Variants in PIK3CB observed in about 807,000 individuals in gnomAD.
PIK3CB encodes phosphatidylinositol 4,5-bisphosphate 3-kinase catalytic subunit beta isoform.
Under a neutral mutation model 136.8 loss-of-function variants are expected in PIK3CB, and 39 were observed. The observed-to-expected ratio is 0.29, with a 90% CI of 0.22 to 0.37. PIK3CB has a LOEUF of 0.37. Among genes scored for constraint, PIK3CB ranks in the 10% least tolerant of loss-of-function variants. PIK3CB has a pLI of 1.00. For missense variants in PIK3CB, 868 were observed against 1,275.4 expected (o/e 0.68, Z 4.87); for synonymous variants, 428 against 436.6 (o/e 0.98, Z 0.25).
chr3:138,689,778 A>C (rs1238946680), intron 15 of PIK3CB, among the ~76,000 whole-genome samples: 1 of 152,230 alleles, frequency 6.6e-6, no homozygotes, highest in Admixed American at 6.5e-5. Context: ...CAAAGTTCAA[A>C]AGCTATGATA....
At chr3:138,790,813 CAA>C (rs1166123184) in intron 2 of PIK3CB, among the ~76,000 whole-genome samples, 12 of 70,826 alleles carry the variant, frequency 1.7e-4, no homozygotes, top group Non-Finnish European at 2.6e-4. Context: ...GACTCCTTCT[CAA>C]AAAAAAAAAA....
At chr3:138,832,757 A>G (rs1289390183) in intron 1 of PIK3CB, among the ~76,000 whole-genome samples, 5 of 136,362 alleles carry the variant, frequency 3.7e-5, no homozygotes, top group African/African-American at 1.4e-4. Context: ...TGAACCCGGG[A>G]GGCGGAGGTT....
intron 10 of PIK3CB, among the ~76,000 whole-genome samples, chr3:138,711,401 G>A (rs1205394693): frequency 1.3e-5 from 2 of 151,638 alleles, no homozygotes; most frequent in Non-Finnish European, 2.9e-5. Context: ...CCAACATGGA[G>A]AAACCCTGTC....
intron 19 of PIK3CB, among the ~76,000 whole-genome samples, chr3:138,674,290 T>C (rs997967362): frequency 1.3e-5 from 2 of 151,982 alleles, no homozygotes; most frequent in African/African-American, 4.8e-5. Flanking sequence ...AGCAGAAAGT[T>C]AGGGCTAAGG....
chr3:138,826,040 T>C, intron 1 of PIK3CB: 1 of 1,328,390 alleles, frequency 7.5e-7, no homozygotes, highest in Non-Finnish European at 1.1e-6. Context: ...TCACACAGCT[T>C]ACACAGCTTG....
chr3:138,821,505 C>T (rs2108902058), intron 1 of PIK3CB, among the ~76,000 whole-genome samples: 1 of 152,186 alleles, frequency 6.6e-6, no homozygotes, highest in Admixed American at 6.6e-5. Flanking sequence ...TATTAATAGC[C>T]TGGGCATGGC....
At chr3:138,663,666 G>A (rs1303231030) in intron 21 of PIK3CB, among the ~76,000 whole-genome samples, 2 of 152,140 alleles carry the variant, frequency 1.3e-5, no homozygotes, top group Middle Eastern at 3.2e-3. Context: ...ACAGGCGTGA[G>A]CCACCACACA....
chr3:138,772,685 G>C (rs1390323997), intron 2 of PIK3CB, among the ~76,000 whole-genome samples: 1 of 149,800 alleles, frequency 6.7e-6, no homozygotes, highest in Non-Finnish European at 1.5e-5. Flanking sequence ...TATTCCCCAG[G>C]CTGAGCTTGA....
intron 1 of PIK3CB, among the ~76,000 whole-genome samples, chr3:138,820,770 A>G (rs1004077588): frequency 3.3e-5 from 5 of 152,202 alleles, no homozygotes; most frequent in Non-Finnish European, 7.3e-5. Flanking sequence ...CTGGGATTAT[A>G]GGCATGAGCC....
chr3:138,822,317 A>G (rs1255494611), intron 1 of PIK3CB, among the ~76,000 whole-genome samples: 1 of 151,832 alleles, frequency 6.6e-6, no homozygotes, highest in Non-Finnish European at 1.5e-5. Context: ...GCAGATCACA[A>G]GGTCAGGAAG....
At position 138,715,308 on chromosome 3, in the gene PIK3CB, G is replaced by A. The variant is rs2044585350; in HGVS notation, c.1051-589C>T. Among the ~76,000 whole-genome samples the A allele has an allele frequency of 2.0e-5, 3 of 152,190 alleles. No individual in the cohort carries two copies. The South Asian group carries it at 6.2e-4, about 32-fold the overall frequency. On this transcript the variant is annotated intron_variant, in intron 8 of 23. Transcript: ENST00000674063. ...CCAGAGTGATGCAGGGCATGCGTAAGATGTCCCAGACAATTTTACTCATTT... is the reference window on the plus strand; with the variant it reads ...CCAGAGTGATGCAGGGCATGCGTAAAATGTCCCAGACAATTTTACTCATTT...
intron 22 of PIK3CB, among the ~76,000 whole-genome samples, chr3:138,656,711 TC>T (rs2043197787): frequency 1.3e-5 from 2 of 152,160 alleles, no homozygotes; most frequent in African/African-American, 4.8e-5. Flanking sequence ...GTGCTTTTGC[TC>T]CTTCCTGTCA....
chr3:138,685,485 T>C (rs143090130), intron 16 of PIK3CB, among the ~76,000 whole-genome samples: 4 of 149,736 alleles, frequency 2.7e-5, no homozygotes, highest in Non-Finnish European at 4.4e-5. Flanking sequence ...ATTCATTGTA[T>C]AGTAGAATTT....
chr3:138,666,061 A>G (rs2043403631), intron 19 of PIK3CB, among the ~76,000 whole-genome samples: 1 of 152,250 alleles, frequency 6.6e-6, no homozygotes, highest in Non-Finnish European at 1.5e-5. Context: ...AGACCAATAC[A>G]TTCTGAAAAA....
At chr3:138,776,168 A>G (rs2045856038) in intron 2 of PIK3CB, among the ~76,000 whole-genome samples, 2 of 152,188 alleles carry the variant, frequency 1.3e-5, no homozygotes, top group South Asian at 2.1e-4. Context: ...ATTGCACTCC[A>G]GCCTGGGCGA....
At chr3:138,780,792 C>T (rs1350049680) in intron 2 of PIK3CB, among the ~76,000 whole-genome samples, 1 of 152,134 alleles carries the variant, frequency 6.6e-6, no homozygotes, top group East Asian at 1.9e-4. Flanking sequence ...TCTCAGCCTC[C>T]TAAGTAGCTG....
Position 138,715,620 on chromosome 3 carries a change from G to A in PIK3CB, c.1051-901C>T, listed in dbSNP as rs185189767. Among the ~76,000 whole-genome samples the A allele has an allele frequency of 1.8e-3, 279 of 152,062 alleles. 2 individuals carry two copies. The highest frequency in any genetic ancestry group is 6.5e-3 in the African/African-American group (270 of 41,502). ...GTTAAGAGTTACCACGCCAATATTTGAAAAGGAAGATAAATACCCAAGAAT... is the reference window on the plus strand; with the variant it reads ...GTTAAGAGTTACCACGCCAATATTTAAAAAGGAAGATAAATACCCAAGAAT... On this transcript the variant is annotated intron_variant, in intron 8 of 23. Coordinates refer to ENST00000674063, the MANE Select transcript of PIK3CB (RefSeq NM_006219.3).
intron 1 of PIK3CB, among the ~76,000 whole-genome samples, chr3:138,813,292 C>T (rs1195429559): frequency 6.6e-6 from 1 of 152,104 alleles, no homozygotes; most frequent in Non-Finnish European, 1.5e-5. Flanking sequence ...AGAGTTAAGA[C>T]ACACTTAAGT....
chr3:138,686,054 T>C (rs573211144), intron 16 of PIK3CB, among the ~76,000 whole-genome samples: 7 of 152,170 alleles, frequency 4.6e-5, no homozygotes, highest in African/African-American at 1.7e-4. Flanking sequence ...GGAGAATCAC[T>C]GGAACCTGGG....
Sources: allele counts gnomAD v4.1 joint callset (sites outside exome capture counted in the v4.1 genomes callset), GRCh38; gene constraint gnomAD v4.1.1; transcripts MANE v1.5; gene names NCBI Gene and HGNC (gene_info 2026-07-23, HGNC 2026-07-21).